Variants in PCDHGB7 observed in about 807,000 individuals in gnomAD.
PCDHGB7 encodes the protein protocadherin gamma-B7.
A neutral mutation model predicts 61.4 loss-of-function variants in PCDHGB7; 37 were observed. That is an observed-to-expected ratio of 0.60 (90% CI 0.46 to 0.79). The LOEUF (loss-of-function observed/expected upper bound fraction) is 0.79, where lower values mean the gene tolerates loss of function less well. Ranked by LOEUF, PCDHGB7 falls within the 30% of genes least tolerant of loss-of-function variation. PCDHGB7 has a pLI of 0.00. For synonymous variants in PCDHGB7, 464 were observed against 503.5 expected (o/e 0.92, Z 1.05); for missense variants, 1,166 against 1,202.5 (o/e 0.97, Z 0.45).
chr5:141,428,181 A>G, intron 1 of PCDHGB7: 2 of 1,486,230 alleles, frequency 1.3e-6, no homozygotes, highest in Non-Finnish European at 1.8e-6. Flanking sequence ...GACGGAGGAC[A>G]GCCGCCGCTC....
In PCDHGB7 at chr5:141,432,296, G is replaced by A. The variant is rs895669878; in HGVS notation, c.2415+12022G>A. The A allele has an allele frequency of 2.5e-6, 4 of 1,614,106 alleles. No homozygotes were observed. The highest frequency in any genetic ancestry group is 1.1e-5 in the South Asian group (1 of 91,082). The stretch of plus-strand genomic sequence containing the variant: ...CGTGTCCATCAACTCCGACACTGGG[G>A]TACTGTATGCGCTGAGCTCCTTCGA... On this transcript the variant is annotated intron_variant, in intron 1 of 3. Transcript: ENST00000398594. The surrounding 1 kb of genome is among the most constrained non-coding windows in gnomAD (Gnocchi z 6.0).
chr5:141,432,093 C>A lies in PCDHGB7; in HGVS notation c.2415+11819C>A. The A allele has an allele frequency of 1.2e-6, 2 of 1,614,170 alleles. No homozygotes were observed. Among genetic ancestry groups the A allele is most frequent in the Non-Finnish European group, 1.7e-6 (2 of 1,180,046 alleles). On this transcript the variant is annotated intron_variant, in intron 1 of 3. Coordinates refer to ENST00000398594, the MANE Select transcript of PCDHGB7 (RefSeq NM_018927.4). The surrounding 1 kb of genome is among the most constrained non-coding windows in gnomAD (Gnocchi z 6.0). ...CATATCTCGCTGAACGTGGCAGACA[C>A]CAACGACAACCCGCCGGTCTTCCCT...
At chr5:141,475,980 C>T (rs758066578) in intron 1 of PCDHGB7, 45 of 1,028,498 alleles carry the variant, frequency 4.4e-5, no homozygotes, top group Non-Finnish European at 6.2e-5. Flanking sequence ...ACTGAACAGC[C>T]GGCGAGCAAA....
chr5:141,454,865 TG>T (rs2098805228), intron 1 of PCDHGB7, among the ~76,000 whole-genome samples: 1 of 135,344 alleles, frequency 7.4e-6, no homozygotes, highest in Non-Finnish European at 1.5e-5. Flanking sequence ...TGGAGTGCAG[TG>T]GCACGATCTT....
rs746989617 is a variant in PCDHGB7 at position 141,422,853 on chromosome 5, C to G, written c.2415+2579C>G. On this transcript the variant is annotated intron_variant, in intron 1 of 3. Transcript: ENST00000398594. ...TAGCACGTGACAGCGGGGACCCGCC[C>G]CTCAGCAGCAACGTGTCGCTGAGCC... 16 of 1,614,146 alleles carry G rather than the reference C, an allele frequency of 9.9e-6. 1 individual carries two copies. In the South Asian group the frequency reaches 1.6e-4, roughly 17 times the overall value.
chr5:141,475,162 G>T (rs949339969), intron 1 of PCDHGB7, among the ~76,000 whole-genome samples: 2 of 152,034 alleles, frequency 1.3e-5, no homozygotes, highest in South Asian at 4.1e-4. Flanking sequence ...TTCTTCATTA[G>T]CAGTGCAACT....
intron 1 of PCDHGB7, chr5:141,468,696 C>G (rs1483766202): frequency 6.6e-6 from 1 of 151,386 alleles, no homozygotes; most frequent in East Asian, 2.0e-4. Context: ...GAAACCCCGT[C>G]TCTACTAAAA....
At chr5:141,443,547 T>C (rs1210940890) in intron 1 of PCDHGB7, among the ~76,000 whole-genome samples, 2 of 152,192 alleles carry the variant, frequency 1.3e-5, no homozygotes, top group Non-Finnish European at 2.9e-5. Context: ...TGGGAAATTG[T>C]TCCAATTCAA....
rs147506725 is a variant in PCDHGB7, at chr5:141,442,240, G to A, written c.2415+21966G>A. Reference sequence around the variant, plus strand: ...CTTTAATTTCCTTTTTATTCTTCCTGATTGCATTGTTTGTGCTGGTTTTAA... The same window carrying A: ...CTTTAATTTCCTTTTTATTCTTCCTAATTGCATTGTTTGTGCTGGTTTTAA... On this transcript the variant is annotated intron_variant, in intron 1 of 3. Transcript: ENST00000398594. 1,291 of 153,334 alleles carry A rather than the reference G, an allele frequency of 8.4e-3. 26 individuals carry two copies. The highest frequency in any genetic ancestry group is 0.029 in the African/African-American group (1,208 of 41,552). 9.5% of individuals were successfully genotyped at this position (153,334 alleles called of 1,614,324 possible).
At chr5:141,500,256 T>C (rs1045685908) in intron 2 of PCDHGB7, among the ~76,000 whole-genome samples, 1 of 151,676 alleles carries the variant, frequency 6.6e-6, no homozygotes, top group Non-Finnish European at 1.5e-5. Flanking sequence ...TCACCCAGGC[T>C]GGACTGCAGT....
chr5:141,431,297 C>T lies in PCDHGB7; in HGVS notation c.2415+11023C>T. The T allele has an allele frequency of 6.2e-7, 1 of 1,614,126 alleles. No homozygotes were observed. The highest frequency in any genetic ancestry group is 8.5e-7 in the Non-Finnish European group (1 of 1,180,036). Reference sequence around the variant, plus strand: ...GCTCAGCCCGAACACTCACTTCTCCCTCATCGTGCAAAATGGAGCCGACGG... The same window carrying T: ...GCTCAGCCCGAACACTCACTTCTCCTTCATCGTGCAAAATGGAGCCGACGG... On this transcript the variant is annotated intron_variant, in intron 1 of 3. Coordinates refer to ENST00000398594, the MANE Select transcript of PCDHGB7 (RefSeq NM_018927.4). This position sits in a 1 kb window ranked among gnomAD's most constrained non-coding sequence, Gnocchi z 4.8.
intron 1 of PCDHGB7, chr5:141,427,531 A>C: frequency 1.6e-6 from 1 of 620,632 alleles, no homozygotes. Flanking sequence ...ATCCCGGAGT[A>C]CAACGTCACC....
chr5:141,503,713 C>T (rs867005984), intron 2 of PCDHGB7, among the ~76,000 whole-genome samples: 6 of 152,134 alleles, frequency 3.9e-5, no homozygotes, highest in Non-Finnish European at 8.8e-5. Context: ...TCCCCTTCAA[C>T]CCTAGCTTTA....
At chr5:141,508,732 C>A (rs1037039751) in intron 3 of PCDHGB7, among the ~76,000 whole-genome samples, 3 of 151,880 alleles carry the variant, frequency 2.0e-5, no homozygotes, top group Non-Finnish European at 4.4e-5. Flanking sequence ...GGAGACTACA[C>A]CCCCCACCCC....
chr5:141,432,428 G>C lies in PCDHGB7; in HGVS notation c.2415+12154G>C. 6.2e-7 allele frequency: 1 copy of C among 1,614,232 alleles called. No homozygotes were observed. On this transcript the variant is annotated intron_variant, in intron 1 of 3. Coordinates refer to ENST00000398594, the MANE Select transcript of PCDHGB7 (RefSeq NM_018927.4). The surrounding 1 kb of genome is among the most constrained non-coding windows in gnomAD (Gnocchi z 6.0). ...GAGCCTGTTCGTGCTGGACCAGAAC[G>C]ACAATGCGCCCGAGATCCTGTACCC...
chr5:141,430,276 G>C (rs2097271928), intron 1 of PCDHGB7, among the ~76,000 whole-genome samples: 1 of 151,720 alleles, frequency 6.6e-6, no homozygotes, highest in South Asian at 2.1e-4. Context: ...TGTGTTGGGG[G>C]AACAGTAATC....
chr5:141,434,789 T>C (rs2097718008), intron 1 of PCDHGB7, among the ~76,000 whole-genome samples: 1 of 152,008 alleles, frequency 6.6e-6, no homozygotes, highest in African/African-American at 2.4e-5. Context: ...AAAAAATTTT[T>C]TTTTCTGAGC....
intron 2 of PCDHGB7, among the ~76,000 whole-genome samples, chr5:141,496,903 A>G (rs990378360): frequency 1.1e-4 from 16 of 150,744 alleles, no homozygotes; most frequent in Non-Finnish European, 2.4e-4. Flanking sequence ...AAAAAAAAAA[A>G]GGCTGGGCAC....
At chr5:141,499,025 G>A (rs561539084) in intron 2 of PCDHGB7, among the ~76,000 whole-genome samples, 4 of 140,712 alleles carry the variant, frequency 2.8e-5, no homozygotes, top group Admixed American at 1.4e-4. Context: ...AGGAAGGAAG[G>A]AAGAAAAGAA....
Sources: gnomAD v4.1 joint callset for allele counts (sites outside exome capture counted in the v4.1 genomes callset) on GRCh38, gnomAD v4.1.1 for gene constraint, Gnocchi (gnomAD v3.1) non-coding constraint, MANE v1.5 for transcripts, NCBI Gene and HGNC (gene_info 2026-07-23, HGNC 2026-07-21) for gene names.